SF3B1: variants seen among roughly 807,000 people sequenced by gnomAD.
The protein encoded by SF3B1 is splicing factor 3b subunit 1, also known as pre-mRNA processing 10.
A neutral mutation model predicts 153.8 loss-of-function variants in SF3B1; 12 were observed. The observed-to-expected ratio is 0.08, with a 90% confidence interval of 0.05 to 0.13. SF3B1 has a LOEUF of 0.13. SF3B1 is among the 10% of genes least tolerant of loss of function. SF3B1 has a pLI of 1.00. For missense variants in SF3B1, 513 were observed against 1,606.1 expected (o/e 0.32, Z 11.63); for synonymous variants, 498 against 525.2 (o/e 0.95, Z 0.71).
chr2:197,390,282 A>G lies in SF3B1; in HGVS notation c.*2021T>C, dbSNP rs1237648785. ...TATTTTCCATAAAGAACCAGAGGCC[A>G]AGCAAACGTAGGCTACTAAGTACTT... On this transcript the variant is annotated 3_prime_UTR_variant, in exon 25 of 25. Transcript: ENST00000335508. The G allele has an allele frequency of 6.6e-6, 1 of 152,234 alleles. No individual in the cohort carries two copies. The highest frequency in any genetic ancestry group is 2.4e-5 in the African/African-American group (1 of 41,470). The allele number at this position is 152,234 out of a possible 1,614,324, so 9.4% of individuals were successfully genotyped here.
rs560072330 is a variant in SF3B1, at chr2:197,396,145, C to A, written c.3450G>T (p.Ser1150=). The A allele has an allele frequency of 6.2e-7, 1 of 1,613,624 alleles. No individual in the cohort carries two copies. The highest frequency in any genetic ancestry group is 8.5e-7 in the Non-Finnish European group (1 of 1,179,646). Residue 1150 remains serine (S), a synonymous_variant, in exon 23 of 25, where the codon TCG becomes TCT. Coordinates refer to ENST00000335508, the MANE Select transcript of SF3B1 (RefSeq NM_012433.4). The stretch of plus-strand genomic sequence containing the variant: ...CAATATATTCAAACAAGAAGGAAAG[C>A]GATTTTAACACTCCATTTTGAACAT... The part of the protein sequence containing the change: ...ELNVQNGVLK[S]LSFLFEYIGE...
In SF3B1 at chr2:197,396,090, C is replaced by T. The variant is rs1207170310; in HGVS notation, c.3505G>A (p.Val1169Ile). The T allele has an allele frequency of 1.9e-6, 3 of 1,613,442 alleles. No homozygotes were observed. Among genetic ancestry groups the T allele is most frequent in the Non-Finnish European group, 2.5e-6 (3 of 1,179,472 alleles). Reference sequence around the variant, plus strand: ...AAAGCATCTTCAAGTAACGGTGTTACGGCATAAATGTAGTCTTTTCCCATT... The same window carrying T: ...AAAGCATCTTCAAGTAACGGTGTTATGGCATAAATGTAGTCTTTTCCCATT... ...GEMGKDYIYAVTPLLEDALMD... is the reference protein window; with the variant it reads ...GEMGKDYIYAITPLLEDALMD... Residue 1169 changes from valine to isoleucine, a missense_variant, in exon 23 of 25, where the codon GTA (valine) becomes ATA (isoleucine). By Grantham distance (29) the Val-to-Ile change is conservative. Coordinates refer to ENST00000335508, the MANE Select transcript of SF3B1 (RefSeq NM_012433.4).
intron 23 of SF3B1, 69 bp downstream of exon 23, chr2:197,395,987 T>C: frequency 4.4e-6 from 6 of 1,366,678 alleles, no homozygotes; most frequent in Middle Eastern, 4.7e-4. Flanking sequence ...ATCTAATAAC[T>C]ATTTCACGAT....
chr2:197,403,832 TCA>T (rs2084960166), intron 11 of SF3B1, 68 bp from the exon 12 acceptor site: 1 of 1,158,758 alleles, frequency 8.6e-7, no homozygotes, highest in African/African-American at 1.6e-5. Flanking sequence ...AGCAAATTAC[TCA>T]AAGAAGATTT....
In SF3B1 at chr2:197,402,703, A is replaced by G; in HGVS notation, c.1930T>C (p.Leu644=). Residue 644 remains leucine (L), a synonymous_variant, in exon 14 of 25, where the codon TTA becomes CTA. Transcript: ENST00000335508. The surrounding 1 kb of genome is among the most constrained non-coding windows in gnomAD (Gnocchi z 4.6). ...VVASALGIPS[L]LPFLKAVCKS... is the part of the protein sequence containing the mutation. ...CACACAGCTTTTAAGAAGGGCAATA[A>G]AGAAGGAATGCCCAGGGCAGAGGCT... The G allele has an allele frequency of 6.2e-7, 1 of 1,614,150 alleles. No individual in the cohort carries two copies. Among genetic ancestry groups the G allele is most frequent in the African/African-American group, 1.3e-5 (1 of 75,050 alleles).
chr2:197,408,189 A>G (rs1163715656), intron 8 of SF3B1, 70 bp from the exon 9 acceptor site: 1 of 1,404,002 alleles, frequency 7.1e-7, no homozygotes, highest in Non-Finnish European at 9.9e-7. Flanking sequence ...TTGAGATAAA[A>G]GACAGTTAAG....
In SF3B1 at chr2:197,400,625, A is replaced by G; in HGVS notation, c.2718+90T>C. ...CATTTTAAAAATTACTTCAAATTCAATTGCATTCTAGAAAAATTTGCTTGA... is the reference window on the plus strand; with the variant it reads ...CATTTTAAAAATTACTTCAAATTCAGTTGCATTCTAGAAAAATTTGCTTGA... On this transcript the variant is annotated intron_variant, in intron 18 of 24. Coordinates refer to ENST00000335508, the MANE Select transcript of SF3B1 (RefSeq NM_012433.4). The surrounding 1 kb of genome is among the most constrained non-coding windows in gnomAD (Gnocchi z 5.0). 1 of 1,103,780 alleles carries G rather than the reference A, an allele frequency of 9.1e-7. No individual in the cohort carries two copies. Among genetic ancestry groups the G allele is most frequent in the East Asian group, 2.5e-5 (1 of 40,222 alleles). 68.4% of individuals were successfully genotyped at this position (1,103,780 alleles called of 1,614,324 possible).
chr2:197,416,093 T>C (rs1226971677), intron 6 of SF3B1, among the ~76,000 whole-genome samples: 2 of 147,758 alleles, frequency 1.4e-5, no homozygotes, highest in East Asian at 2.0e-4. Context: ...GCTGAGATTA[T>C]AGGCATGAGC....
At chr2:197,422,518 T>C (rs945156206) in intron 2 of SF3B1, among the ~76,000 whole-genome samples, 4 of 151,966 alleles carry the variant, frequency 2.6e-5, no homozygotes, top group Admixed American at 2.0e-4. Flanking sequence ...AACCTGCACA[T>C]TGTGCACATG....
intron 1 of SF3B1, among the ~76,000 whole-genome samples, chr2:197,430,451 GTTTTT>G (rs912253325): frequency 2.0e-5 from 3 of 151,716 alleles, no homozygotes; most frequent in Admixed American, 6.6e-5. Flanking sequence ...ACTCACGGTA[GTTTTT>G]TTTGTTATTT....
At chr2:197,411,741 T>G (rs2085071592) in intron 6 of SF3B1, among the ~76,000 whole-genome samples, 1 of 151,784 alleles carries the variant, frequency 6.6e-6, no homozygotes, top group Non-Finnish European at 1.5e-5. Flanking sequence ...TCTACCTTTA[T>G]GTTTGCAAAT....
At chr2:197,399,419 A>T (rs569388022) in intron 20 of SF3B1, among the ~76,000 whole-genome samples, 34 of 152,150 alleles carry the variant, frequency 2.2e-4, no homozygotes, top group South Asian at 1.5e-3. Context: ...TAATCAATTT[A>T]AAAAAAAGAT....
Position 197,396,339 on chromosome 2 carries a change from C to A in SF3B1, c.3267-11G>T. The A allele has an allele frequency of 1.3e-6, 2 of 1,597,514 alleles. No homozygotes were observed. The highest frequency in any genetic ancestry group is 1.1e-5 in the South Asian group (1 of 89,122). ...AATACATCATGAGGGCTGAAAAAAA[C>A]AAATGGGTCAACAAGCTGTTACATT... On this transcript the variant is annotated splice_polypyrimidine_tract_variant and intron_variant, in intron 22 of 24. Transcript: ENST00000335508.
At chr2:197,398,780 A>G (rs2084904484) in intron 20 of SF3B1, 199 bp from the exon 21 acceptor site, 1 of 574,376 alleles carries the variant, frequency 1.7e-6, no homozygotes, top group African/African-American at 1.9e-5. Flanking sequence ...TATAGAAATG[A>G]AAGAAATCAG....
chr2:197,395,328 G>A lies in SF3B1; in HGVS notation c.3539+728C>T, dbSNP rs954159141. Among the ~76,000 whole-genome samples, 2 of 152,218 alleles carry A rather than the reference G, an allele frequency of 1.3e-5. 1 individual carries two copies. ...CATATATACGTTCTGGTAACTTGTC[G>A]AGTCCAGTTAAGTCTCCCTTTCAGA... On this transcript the variant is annotated intron_variant, in intron 23 of 24. Transcript: ENST00000335508.
At position 197,401,085 on chromosome 2, in the gene SF3B1, A is replaced by G. The variant is rs2084933045; in HGVS notation, c.2497-149T>C. On this transcript the variant is annotated intron_variant, in intron 17 of 24. Coordinates refer to ENST00000335508, the MANE Select transcript of SF3B1 (RefSeq NM_012433.4). The surrounding 1 kb of genome is among the most constrained non-coding windows in gnomAD (Gnocchi z 4.2). ...TCATTGCTACTTATTAAAGTTGAAG[A>G]GAAAAGTGACCAAACATCGAAAAAT... is the stretch of plus-strand genomic sequence containing the variant. 1.6e-6 allele frequency: 1 copy of G among 635,740 alleles called. No individual in the cohort carries two copies. Among genetic ancestry groups the G allele is most frequent in the East Asian group, 2.7e-5 (1 of 36,524 alleles). 39.4% of individuals were successfully genotyped at this position (635,740 alleles called of 1,614,324 possible). A position where few individuals can be genotyped will look rare whatever the true frequency, so the allele number is the denominator to read the frequency against.
chr2:197,404,042 A>G (rs1205755966), intron 11 of SF3B1, among the ~76,000 whole-genome samples: 1 of 152,216 alleles, frequency 6.6e-6, no homozygotes, highest in Non-Finnish European at 1.5e-5. Context: ...TTCCATTTCC[A>G]AGGCACATAT....
chr2:197,420,204 T>C (rs1338341401), intron 4 of SF3B1: 2 of 449,714 alleles, frequency 4.4e-6, no homozygotes, highest in East Asian at 3.3e-5. Context: ...TTCTATGGCA[T>C]TGGCTCATTT....
chr2:197,395,184 T>C (rs1041039452), intron 23 of SF3B1, among the ~76,000 whole-genome samples: 3 of 152,252 alleles, frequency 2.0e-5, no homozygotes. Context: ...GACTGCACTA[T>C]GGTGCTCAGG....
Sources: allele counts gnomAD v4.1 joint callset (sites outside exome capture counted in the v4.1 genomes callset), GRCh38; gene constraint gnomAD v4.1.1; non-coding constraint Gnocchi (gnomAD v3.1); transcripts MANE v1.5; gene names NCBI Gene and HGNC (gene_info 2026-07-23, HGNC 2026-07-21).